The following CCL18 variants were observed in gnomAD, a reference collection of about 807,000 sequenced individuals.
The protein encoded by CCL18 is C-C motif chemokine 18.
In CCL18, 7 loss-of-function variants were observed where a neutral mutation model predicts 8.0. The ratio of observed to expected loss-of-function variants is 0.87; its 90% CI spans 0.50 to 1.64. The LOEUF (loss-of-function observed/expected upper bound fraction) is 1.64, where lower values mean the gene tolerates loss of function less well. Among genes scored for constraint, CCL18 ranks in the 40% most tolerant of loss-of-function variants. CCL18 has a pLI of 0.00. For missense variants in CCL18, 95 were observed against 107.8 expected, an observed-to-expected ratio of 0.88 and a Z score of 0.52; for synonymous variants, 35 against 41.3, an observed-to-expected ratio of 0.85 and a Z score of 0.59.
intron 1 of CCL18, among the ~76,000 whole-genome samples, chr17:36,068,663 T>C (rs2066849870): frequency 6.6e-6 from 1 of 152,164 alleles, no homozygotes; most frequent in Non-Finnish European, 1.5e-5. Context: ...CCTCGTATGC[T>C]TGTGGATGAG....
intron 1 of CCL18, among the ~76,000 whole-genome samples, chr17:36,069,019 TA>T (rs144277762): frequency 0.35 from 51,425 of 148,570 alleles, 10,198 homozygotes; most frequent in Admixed American, 0.45. Flanking sequence ...CCAGCTACTT[TA>T]AAAAAAAAAA....
At position 36,071,232 on chromosome 17, in the gene CCL18, G is replaced by A. The variant is rs1304234110; in HGVS notation, c.*191G>A. ...TTTCATTTTGAAATTGATTTCTATTGTTGAGCTGCATTATGAAATTAGTAT... is the reference window on the plus strand; with the variant it reads ...TTTCATTTTGAAATTGATTTCTATTATTGAGCTGCATTATGAAATTAGTAT... On this transcript the variant is annotated 3_prime_UTR_variant, in exon 3 of 3. Coordinates refer to ENST00000616054, the MANE Select transcript of CCL18 (RefSeq NM_002988.4). 5 of 561,912 alleles carry A rather than the reference G, an allele frequency of 8.9e-6. No individual in the cohort carries two copies. Among genetic ancestry groups the A allele is most frequent in the Non-Finnish European group, 1.6e-5 (5 of 313,964 alleles). The allele number at this position is 561,912 out of a possible 1,614,324, so 34.8% of individuals were successfully genotyped here.
At chr17:36,065,525 G>T (rs1459192008) in intron 1 of CCL18, among the ~76,000 whole-genome samples, 2 of 152,144 alleles carry the variant, frequency 1.3e-5, no homozygotes, top group African/African-American at 4.8e-5. Context: ...GACTGATGCT[G>T]ACATTACGCC....
chr17:36,071,062 G>A lies in CCL18; in HGVS notation c.*21G>A, dbSNP rs765136779. 6.3e-6 allele frequency: 10 copies of A among 1,579,884 alleles called. No individual in the cohort carries two copies. Among genetic ancestry groups the A allele is most frequent in the East Asian group, 4.5e-5 (2 of 44,710 alleles). ...CCTGAGGGGCCTGGAAGCTGCGAGG[G>A]CCCAGTGAACTTGGTGGGCCCAGGA... On this transcript the variant is annotated 3_prime_UTR_variant, in exon 3 of 3. Transcript: ENST00000616054.
intron 2 of CCL18, 26 bp downstream of exon 2, chr17:36,070,584 C>A: frequency 7.2e-7 from 1 of 1,394,464 alleles, no homozygotes; most frequent in Non-Finnish European, 1.0e-6. Context: ...CCTGCCCACC[C>A]CTCGGGAGGG....
chr17:36,066,856 G>A (rs1043527205), intron 1 of CCL18, among the ~76,000 whole-genome samples: 5 of 152,170 alleles, frequency 3.3e-5, no homozygotes, highest in African/African-American at 7.2e-5. Flanking sequence ...CGTGTTAATC[G>A]GAGTGCTTCT....
chr17:36,071,138 CT>C lies in CCL18; in HGVS notation c.*98del. 1.4e-6 allele frequency: 1 copy of C among 712,844 alleles called. No homozygotes were observed. Among genetic ancestry groups the C allele is most frequent in the Non-Finnish European group, 2.5e-6 (1 of 405,608 alleles). 44.2% of individuals were successfully genotyped at this position (712,844 alleles called of 1,614,324 possible). A position where few individuals can be genotyped will look rare whatever the true frequency, so the allele number is the denominator to read the frequency against. The stretch of plus-strand genomic sequence containing the variant: ...ATGGCCCTGCCACCCTGGAGGCTAC[CT>C]CTTCTAAGAGTCCCATCTGCTATGC... On this transcript the variant is annotated 3_prime_UTR_variant, in exon 3 of 3. Transcript: ENST00000616054.
rs151114257 is a variant in CCL18, at chr17:36,065,454, G to A, written c.67+1045G>A. Among the ~76,000 whole-genome samples, 476 of 152,162 alleles carry A rather than the reference G, an allele frequency of 3.1e-3. 1 individual carries two copies. Among genetic ancestry groups the A allele is most frequent in the African/African-American group, 0.011 (455 of 41,496 alleles). On this transcript the variant is annotated intron_variant, in intron 1 of 2. Coordinates refer to ENST00000616054, the MANE Select transcript of CCL18 (RefSeq NM_002988.4). ...GCTCCCACCTCCTACTTGTGCTTAC[G>A]TGCTCCTTGTCCCTTGTCCCATGGG...
At chr17:36,066,043 C>T (rs1030837446) in intron 1 of CCL18, among the ~76,000 whole-genome samples, 4 of 152,196 alleles carry the variant, frequency 2.6e-5, no homozygotes, top group Non-Finnish European at 1.5e-5. Flanking sequence ...TTGTGAATGA[C>T]TGAGTTAGGC....
intron 1 of CCL18, among the ~76,000 whole-genome samples, chr17:36,065,476 T>C (rs2066832146): frequency 6.6e-6 from 1 of 152,160 alleles, no homozygotes; most frequent in Admixed American, 6.5e-5. Context: ...CCTTGTCCCA[T>C]GGGTTGTCTC....
chr17:36,064,331 C>G lies in CCL18; in HGVS notation c.-12C>G. 6.2e-7 allele frequency: 1 copy of G among 1,612,804 alleles called. No individual in the cohort carries two copies. The highest frequency in any genetic ancestry group is 8.5e-7 in the Non-Finnish European group (1 of 1,178,812). On this transcript the variant is annotated 5_prime_UTR_variant, in exon 1 of 3. Coordinates refer to ENST00000616054, the MANE Select transcript of CCL18 (RefSeq NM_002988.4). Reference sequence around the variant, plus strand: ...CAGCTCACTCTGACCACTTCTCTGCCTGCCCAGCATCATGAAGGGCCTTGC... The same window carrying G: ...CAGCTCACTCTGACCACTTCTCTGCGTGCCCAGCATCATGAAGGGCCTTGC...
chr17:36,071,168 G>T lies in CCL18; in HGVS notation c.*127G>T. The T allele has an allele frequency of 3.3e-6, 2 of 604,888 alleles. No individual in the cohort carries two copies. The highest frequency in any genetic ancestry group is 1.9e-5 in the African/African-American group (1 of 53,420). The allele number at this position is 604,888 out of a possible 1,614,324, so 37.5% of individuals were successfully genotyped here. On this transcript the variant is annotated 3_prime_UTR_variant, in exon 3 of 3. Transcript: ENST00000616054. ...CTAAGAGTCCCATCTGCTATGCCCA[G>T]CCACATTAACTAACTTTAATCTTAG...
rs566434732 is a variant in CCL18 at position 36,064,681 on chromosome 17, T to C, written c.67+272T>C. On this transcript the variant is annotated intron_variant, in intron 1 of 2. Coordinates refer to ENST00000616054, the MANE Select transcript of CCL18 (RefSeq NM_002988.4). ...TAGCGTGAGGTAGAATCTAGGTCTA[T>C]TTAGTTCTCACTGGTGCTGGTAAGT... 2.0e-5 allele frequency among the ~76,000 whole-genome samples: 3 copies of C among 152,308 alleles called. No individual in the cohort carries two copies. In the East Asian group the frequency reaches 5.8e-4, roughly 29 times the overall value.
Position 36,070,539 on chromosome 17 carries a change from T to C in CCL18, c.160T>C (p.Cys54Arg). 6.2e-7 allele frequency: 1 copy of C among 1,611,944 alleles called. No homozygotes were observed. The highest frequency in any genetic ancestry group is 1.1e-5 in the South Asian group (1 of 91,054). Residue 54 changes from cysteine (C) to arginine (R), a missense_variant, in exon 2 of 3, where the codon TGC becomes CGC. Transcript: ENST00000616054. ...IVDYSETSPQ[C>R]PKPGVILLTK... ...TGACTATTCTGAAACCAGCCCCCAG[T>C]GCCCCAAGCCAGGTGTCATGTAAGT...
At chr17:36,067,533 A>G (rs2066843821) in intron 1 of CCL18, among the ~76,000 whole-genome samples, 1 of 152,126 alleles carries the variant, frequency 6.6e-6, no homozygotes, top group South Asian at 2.1e-4. Flanking sequence ...CTAAAAATAC[A>G]AAAATTAGCT....
In CCL18 at chr17:36,070,935, C is replaced by T. The variant is rs753299311; in HGVS notation, c.180-16C>T. The T allele has an allele frequency of 1.9e-6, 3 of 1,588,168 alleles. No homozygotes were observed. In the South Asian group the frequency reaches 3.3e-5, roughly 18 times the overall value. Reference sequence around the variant, plus strand: ...ATGAATTCGTCAGTTCTTAACTCTTCCTCCCTTCTCCACAGCCTCCTAACC... The same window carrying T: ...ATGAATTCGTCAGTTCTTAACTCTTTCTCCCTTCTCCACAGCCTCCTAACC... On this transcript the variant is annotated splice_polypyrimidine_tract_variant and intron_variant, in intron 2 of 2. Transcript: ENST00000616054.
At chr17:36,068,151 T>G (rs1001058493) in intron 1 of CCL18, among the ~76,000 whole-genome samples, 1 of 152,098 alleles carries the variant, frequency 6.6e-6, no homozygotes, top group African/African-American at 2.4e-5. Flanking sequence ...ATTTTTGTCA[T>G]TAAGTGATGC....
At chr17:36,070,411 C>A in intron 1 of CCL18, 36 bp from the exon 2 acceptor site, 9 of 1,338,970 alleles carry the variant, frequency 6.7e-6, no homozygotes, top group Non-Finnish European at 9.7e-6. Context: ...GCCTTGTGAA[C>A]AATGACTTGG....
intron 1 of CCL18, among the ~76,000 whole-genome samples, chr17:36,068,262 G>A (rs1183965488): frequency 6.6e-6 from 1 of 151,748 alleles, no homozygotes; most frequent in Non-Finnish European, 1.5e-5. Flanking sequence ...AAAAGCAAAT[G>A]AGCAAACAGT....
Sources: gnomAD v4.1 joint callset for allele counts (sites outside exome capture counted in the v4.1 genomes callset) on GRCh38, gnomAD v4.1.1 for gene constraint, MANE v1.5 for transcripts, NCBI Gene and HGNC (gene_info 2026-07-23, HGNC 2026-07-21) for gene names.